KALRN: variants seen among roughly 807,000 people sequenced by gnomAD.
KALRN encodes kalirin.
A neutral mutation model predicts 353.7 loss-of-function variants in KALRN; 70 were observed. That is an observed-to-expected ratio of 0.20 (90% CI 0.16 to 0.24). The LOEUF (loss-of-function observed/expected upper bound fraction) is 0.24. Ranked by LOEUF, KALRN falls within the 10% of genes least tolerant of loss-of-function variation. The probability of loss-of-function intolerance (pLI) is 1.00; values close to 1 mark genes in which losing one functional copy is unlikely to be tolerated. For missense variants in KALRN, 2,791 were observed against 3,756.7 expected, an observed-to-expected ratio of 0.74 and a Z score of 6.72; for synonymous variants, 1,391 against 1,434.8, an observed-to-expected ratio of 0.97 and a Z score of 0.69.
At chr3:124,187,318 G>C (rs773839650) in intron 1 of KALRN, among the ~76,000 whole-genome samples, 3 of 152,158 alleles carry the variant, frequency 2.0e-5, no homozygotes, top group Non-Finnish European at 4.4e-5. Context: ...CTGACCTCAG[G>C]TGACCCACCT....
In KALRN at chr3:124,674,384, T is replaced by A. The variant is rs1291099153; in HGVS notation, c.6963T>A (p.Asn2321Lys). The part of the protein sequence containing the change: ...EASKNDLGGC[N>K]GTSSMAVIKD... Reference sequence around the variant, plus strand: ...AGCAGAACGACCTGGGAGGCTGCAATGGGACCTCGTCCATGGCCGTGATCA... The same window carrying A: ...AGCAGAACGACCTGGGAGGCTGCAAAGGGACCTCGTCCATGGCCGTGATCA... Residue 2321 changes from asparagine (N) to lysine (K), a missense_variant, in exon 49 of 60, where the codon AAT becomes AAA. Asn to Lys is a moderately conservative substitution (Grantham distance 94). Around this residue, in one of 11 missense-constraint regions of KALRN, gnomAD observed 1,065 missense variants for 1,156.4 expected, o/e 0.92. Coordinates refer to ENST00000682506, the MANE Select transcript of KALRN (RefSeq NM_001388419.1). The A allele has an allele frequency of 1.2e-6, 2 of 1,613,302 alleles. No homozygotes were observed. The highest frequency in any genetic ancestry group is 2.2e-5 in the East Asian group (1 of 44,846).
At chr3:124,613,121 G>A (rs1157667542) in intron 34 of KALRN, among the ~76,000 whole-genome samples, 1 of 152,166 alleles carries the variant, frequency 6.6e-6, no homozygotes, top group African/African-American at 2.4e-5. Context: ...GCCACCATTA[G>A]GCAAGCAAGG....
Position 124,678,203 on chromosome 3 carries a change from T to C in KALRN, c.7207T>C (p.Trp2403Arg), listed in dbSNP as rs775239180. 1 of 1,613,850 alleles carries C rather than the reference T, an allele frequency of 6.2e-7. No homozygotes were observed. Among genetic ancestry groups the C allele is most frequent in the Non-Finnish European group, 8.5e-7 (1 of 1,179,856 alleles). The change falls in exon 50 of 60, where the codon TGG (tryptophan) becomes CGG (arginine). Residue 2403 changes from tryptophan to arginine, a missense_variant. Around this residue, in one of 11 missense-constraint regions of KALRN, gnomAD observed 1,065 missense variants for 1,156.4 expected, o/e 0.92. Transcript: ENST00000682506. ...TTGGTACAACAGGAAGTCATGTTCA[T>C]GGCATACTCTACGCATGAGAAAGCG... ...SDGSIKKSCS[W>R]HTLRMRKRAE...
Position 124,228,048 on chromosome 3 carries a change from G to A in KALRN, c.132G>A (p.Lys44=), listed in dbSNP as rs2293641. 0.06 allele frequency: 97,413 copies of A among 1,613,456 alleles called. 4,897 individuals carry two copies. Among genetic ancestry groups the A allele is most frequent in the African/African-American group, 0.21 (15,439 of 74,942 alleles). ...ATGTCCTTCCTATCCTAAAGGAAAA[G>A]GTGGCCTTCGTGTCTGGTGAGTATT... ...ASDVLPILKE[K]VAFVSGGRDK... Residue 44 remains lysine, a synonymous_variant, in exon 2 of 60, where the codon AAG becomes AAA. Coordinates refer to ENST00000682506, the MANE Select transcript of KALRN (RefSeq NM_001388419.1).
intron 19 of KALRN, among the ~76,000 whole-genome samples, chr3:124,443,279 C>A (rs2093725641): frequency 6.6e-6 from 1 of 152,190 alleles, no homozygotes; most frequent in Admixed American, 6.5e-5. Flanking sequence ...TGTCATCTTG[C>A]CAAGGCAGAG....
chr3:124,634,701 C>CT (rs35593044), intron 36 of KALRN, among the ~76,000 whole-genome samples: 2 of 151,688 alleles, frequency 1.3e-5, no homozygotes, highest in African/African-American at 2.4e-5. Flanking sequence ...TTCACATCAC[C>CT]TTTTTTTTTC....
chr3:124,506,667 G>C (rs1335163510), intron 33 of KALRN, among the ~76,000 whole-genome samples: 1 of 152,160 alleles, frequency 6.6e-6, no homozygotes, highest in African/African-American at 2.4e-5. Context: ...CTCTTTGAAT[G>C]TTATGAGGTG....
intron 47 of KALRN, among the ~76,000 whole-genome samples, chr3:124,668,563 A>T (rs10512629): frequency 0.13 from 20,551 of 152,254 alleles, 1,748 homozygotes; most frequent in Middle Eastern, 0.21. Flanking sequence ...ATGTAACAGG[A>T]TGCCACGACT....
At chr3:124,355,204 CA>C (rs1317810642) in intron 10 of KALRN, among the ~76,000 whole-genome samples, 2 of 152,046 alleles carry the variant, frequency 1.3e-5, no homozygotes, top group South Asian at 2.1e-4. Context: ...CCTGTAGATG[CA>C]AGGATATAGA....
intron 1 of KALRN, among the ~76,000 whole-genome samples, chr3:124,043,635 G>C (rs540849545): frequency 5.9e-5 from 9 of 152,274 alleles, no homozygotes; most frequent in Admixed American, 5.9e-4. Context: ...TCAGAGACTA[G>C]TGGTGCCATG....
intron 37 of KALRN, among the ~76,000 whole-genome samples, chr3:124,642,584 G>A (rs897970919): frequency 6.6e-6 from 1 of 152,064 alleles, no homozygotes; most frequent in Non-Finnish European, 1.5e-5. Flanking sequence ...CCAGCCTTGT[G>A]GGTCATGGAA....
intron 33 of KALRN, chr3:124,518,270 C>A: frequency 1.2e-6 from 1 of 803,514 alleles, no homozygotes; most frequent in Non-Finnish European, 2.2e-6. Flanking sequence ...TTGCACTCTG[C>A]ACTGGGTTAC....
At chr3:124,384,670 G>C (rs2087923189) in intron 10 of KALRN, 175 bp from the exon 11 acceptor site, 1 of 536,740 alleles carries the variant, frequency 1.9e-6, no homozygotes, top group Non-Finnish European at 3.3e-6. Flanking sequence ...CCGCCTGCAG[G>C]CTGCTCGCTT....
At chr3:124,147,415 C>T (rs910430956) in intron 1 of KALRN, among the ~76,000 whole-genome samples, 10 of 152,108 alleles carry the variant, frequency 6.6e-5, no homozygotes, top group African/African-American at 1.2e-4. Flanking sequence ...TGTTTGCCTC[C>T]GTGTTATTTC....
chr3:124,510,097 G>A (rs185995601), intron 33 of KALRN, among the ~76,000 whole-genome samples: 136 of 152,256 alleles, frequency 8.9e-4, no homozygotes, highest in African/African-American at 3.2e-3. Context: ...CTTGTATTTC[G>A]CACTACACCA....
chr3:124,222,955 T>C (rs966452616), intron 1 of KALRN, among the ~76,000 whole-genome samples: 11 of 151,932 alleles, frequency 7.2e-5, no homozygotes, highest in African/African-American at 1.9e-4. Flanking sequence ...AAGTCTAGGG[T>C]GGAACTTGAG....
chr3:124,692,558 A>C (rs1014102164), intron 51 of KALRN, among the ~76,000 whole-genome samples: 5 of 152,242 alleles, frequency 3.3e-5, no homozygotes, highest in Non-Finnish European at 5.9e-5. Context: ...CTTCATGATA[A>C]AGGAAAGAAG....
intron 37 of KALRN, among the ~76,000 whole-genome samples, chr3:124,649,834 G>GATAGATAGATAT (rs1553711475): frequency 4.7e-5 from 7 of 150,324 alleles, no homozygotes; most frequent in East Asian, 2.0e-4. Flanking sequence ...TAGATAGATA[G>GATAGATAGATAT]ATATTATGGC....
At chr3:124,286,571 A>G (rs2075932130) in intron 5 of KALRN, among the ~76,000 whole-genome samples, 1 of 152,074 alleles carries the variant, frequency 6.6e-6, no homozygotes, top group African/African-American at 2.4e-5. Context: ...TTTTCTATTG[A>G]TTTGTTTTCA....
Sources: gnomAD v4.1 joint callset for allele counts (sites outside exome capture counted in the v4.1 genomes callset) on GRCh38, gnomAD v4.1.1 for gene constraint, gnomAD v4.1.1 regional missense constraint, MANE v1.5 for transcripts, NCBI Gene and HGNC (gene_info 2026-07-23, HGNC 2026-07-21) for gene names.